Variants in RAD18 observed in about 807,000 individuals in gnomAD.
The protein encoded by RAD18 is E3 ubiquitin-protein ligase RAD18.
A neutral mutation model predicts 60.4 loss-of-function variants in RAD18; 47 were observed. The observed-to-expected ratio is 0.78, with a 90% CI of 0.62 to 0.99. The LOEUF is 0.99. Ranked by LOEUF, RAD18 falls within the 50% of genes least tolerant of loss-of-function variation. The pLI, the probability that RAD18 is intolerant of heterozygous loss-of-function variation, is 0.00. For missense variants in RAD18, 640 were observed against 593.3 expected (o/e 1.08, Z -0.82); for synonymous variants, 225 against 195.5 (o/e 1.15, Z -1.26).
intron 9 of RAD18, among the ~76,000 whole-genome samples, chr3:8,907,945 G>A (rs1940041111): frequency 6.6e-6 from 1 of 152,332 alleles, no homozygotes; most frequent in East Asian, 1.9e-4. Flanking sequence ...CTTGCAAGGA[G>A]TGGCCAGCAG....
At chr3:8,918,632 T>TTG (rs1940253586) in intron 7 of RAD18, among the ~76,000 whole-genome samples, 3 of 152,132 alleles carry the variant, frequency 2.0e-5, no homozygotes, top group African/African-American at 7.2e-5. Flanking sequence ...TCTTATAGAC[T>TTG]ATGCTCTGGA....
intron 7 of RAD18, among the ~76,000 whole-genome samples, chr3:8,931,869 C>T (rs1460823465): frequency 6.6e-6 from 1 of 152,080 alleles, no homozygotes; most frequent in African/African-American, 2.4e-5. Flanking sequence ...TAGGATTTGA[C>T]AATGAGGGCA....
chr3:8,958,824 G>A, intron 2 of RAD18, 96 bp downstream of exon 2: 1 of 965,616 alleles, frequency 1.0e-6, no homozygotes, highest in Non-Finnish European at 1.6e-6. Flanking sequence ...AGCTAAAGGT[G>A]AAACATAAAT....
intron 6 of RAD18, among the ~76,000 whole-genome samples, chr3:8,936,919 A>G (rs973852368): frequency 6.6e-6 from 1 of 151,778 alleles, no homozygotes; most frequent in Non-Finnish European, 1.5e-5. Context: ...CCAATAATCA[A>G]ACAGAGAAAT....
At chr3:8,906,107 T>C (rs1325581118) in intron 9 of RAD18, among the ~76,000 whole-genome samples, 1 of 152,212 alleles carries the variant, frequency 6.6e-6, no homozygotes, top group Non-Finnish European at 1.5e-5. Context: ...GACCAGCATT[T>C]TTTTCTTAAT....
At chr3:8,952,735 T>G (rs1940946541) in intron 2 of RAD18, among the ~76,000 whole-genome samples, 2 of 152,174 alleles carry the variant, frequency 1.3e-5, no homozygotes, top group Admixed American at 6.5e-5. Context: ...ACAGCAACCC[T>G]GAGGTTGGTA....
chr3:8,943,580 G>C (rs935212846), intron 4 of RAD18, among the ~76,000 whole-genome samples: 5 of 151,668 alleles, frequency 3.3e-5, no homozygotes, highest in Non-Finnish European at 7.4e-5. Flanking sequence ...AGCCCAGAAG[G>C]AACAGAAAGA....
intron 7 of RAD18, 45 bp downstream of exon 7, chr3:8,935,826 G>T (rs1418626938): frequency 1.4e-6 from 2 of 1,409,608 alleles, no homozygotes; most frequent in Non-Finnish European, 9.5e-7. Flanking sequence ...ACACAAAATT[G>T]CTTTATCCAG....
At chr3:8,888,030 T>C (rs1186508351) in intron 12 of RAD18, among the ~76,000 whole-genome samples, 11 of 152,176 alleles carry the variant, frequency 7.2e-5, no homozygotes. Flanking sequence ...TCCTATAGCT[T>C]GGAGCCACTG....
intron 9 of RAD18, among the ~76,000 whole-genome samples, chr3:8,911,571 C>G (rs1940105699): frequency 6.6e-6 from 1 of 152,082 alleles, no homozygotes; most frequent in African/African-American, 2.4e-5. Context: ...TCTAGCAAGG[C>G]ACAGGCAATC....
At chr3:8,944,527 A>C (rs1158360199) in intron 4 of RAD18, among the ~76,000 whole-genome samples, 2 of 150,370 alleles carry the variant, frequency 1.3e-5, no homozygotes, top group African/African-American at 4.9e-5. Flanking sequence ...CAGAGCAAGA[A>C]GAAGAGAGGA....
At chr3:8,932,245 G>A (rs1209178719) in intron 7 of RAD18, among the ~76,000 whole-genome samples, 2 of 151,996 alleles carry the variant, frequency 1.3e-5, no homozygotes, top group Non-Finnish European at 2.9e-5. Context: ...GACAAGGTAA[G>A]CCACATACAA....
intron 11 of RAD18, among the ~76,000 whole-genome samples, chr3:8,894,566 A>G (rs1283588051): frequency 6.6e-6 from 1 of 152,164 alleles, no homozygotes; most frequent in Non-Finnish European, 1.5e-5. Flanking sequence ...CCAGAGTCAT[A>G]AAGCCAATGG....
At chr3:8,911,106 A>C (rs1940097771) in intron 9 of RAD18, among the ~76,000 whole-genome samples, 1 of 152,244 alleles carries the variant, frequency 6.6e-6, no homozygotes, top group Admixed American at 6.5e-5. Flanking sequence ...TGTATGAATA[A>C]ACTAAAAGGC....
Position 8,909,109 on chromosome 3 carries a change from A to G in RAD18, c.1027+3203T>C, listed in dbSNP as rs45605833. Among the ~76,000 whole-genome samples, 797 of 152,316 alleles carry G rather than the reference A, an allele frequency of 5.2e-3. 6 individuals carry two copies. Among genetic ancestry groups the G allele is most frequent in the South Asian group, 0.023 (110 of 4,826 alleles). ...GAGAAAGAGATAGTTCCAGACAAAGAGAGAAGAGGGTAACAAATGCCCTAA... is the reference window on the plus strand; with the variant it reads ...GAGAAAGAGATAGTTCCAGACAAAGGGAGAAGAGGGTAACAAATGCCCTAA... On this transcript the variant is annotated intron_variant, in intron 9 of 12. Coordinates refer to ENST00000264926, the MANE Select transcript of RAD18 (RefSeq NM_020165.4).
intron 4 of RAD18, among the ~76,000 whole-genome samples, chr3:8,945,031 A>G (rs1401412228): frequency 6.6e-6 from 1 of 152,258 alleles, no homozygotes; most frequent in African/African-American, 2.4e-5. Flanking sequence ...TTAAAAACAC[A>G]GTATGACAAC....
intron 7 of RAD18, among the ~76,000 whole-genome samples, chr3:8,917,620 C>T (rs975225586): frequency 1.5e-4 from 23 of 151,372 alleles, no homozygotes; most frequent in African/African-American, 5.6e-4. Flanking sequence ...AGAGAGAACA[C>T]TAAAATTTTT....
intron 6 of RAD18, among the ~76,000 whole-genome samples, chr3:8,937,285 G>C (rs1394613542): frequency 6.6e-6 from 1 of 152,128 alleles, no homozygotes; most frequent in East Asian, 1.9e-4. Flanking sequence ...ATTAAACTGT[G>C]ACTGTGAAAT....
intron 11 of RAD18, among the ~76,000 whole-genome samples, chr3:8,890,840 A>C (rs1261059541): frequency 6.6e-6 from 1 of 152,122 alleles, no homozygotes; most frequent in Admixed American, 6.5e-5. Flanking sequence ...ACAAAGCTGA[A>C]GCTGTTTTAA....
Sources: gnomAD v4.1 joint callset for allele counts (sites outside exome capture counted in the v4.1 genomes callset) on GRCh38, gnomAD v4.1.1 for gene constraint, MANE v1.5 for transcripts, NCBI Gene and HGNC (gene_info 2026-07-23, HGNC 2026-07-21) for gene names.